FBXL18: variants seen among roughly 807,000 people sequenced by gnomAD.
FBXL18 encodes the protein F-box and leucine rich repeat protein 18.
Under a neutral mutation model 46.0 loss-of-function variants are expected in FBXL18, and 36 were observed. The ratio of observed to expected loss-of-function variants is 0.78; its 90% CI spans 0.60 to 1.03. FBXL18 has a LOEUF of 1.03. Ranked by LOEUF, FBXL18 falls within the 50% of genes least tolerant of loss-of-function variation. FBXL18 has a pLI of 0.00. For missense variants in FBXL18, 977 were observed against 1,004.1 expected (o/e 0.97, Z 0.36); for synonymous variants, 557 against 465.3 (o/e 1.20, Z -2.54).
intron 4 of FBXL18, among the ~76,000 whole-genome samples, chr7:5,466,570 G>A (rs1216970756): frequency 2.0e-5 from 3 of 152,198 alleles, no homozygotes; most frequent in Non-Finnish European, 4.4e-5. Context: ...ATTGGACTGG[G>A]CCACCAGGAT....
chr7:5,468,964 CTTTGT>C (rs1431879851), intron 4 of FBXL18, among the ~76,000 whole-genome samples: 6 of 144,576 alleles, frequency 4.2e-5, no homozygotes, highest in African/African-American at 1.5e-4. Context: ...AATCCAGTCC[CTTTGT>C]TTTGGTGTGT....
chr7:5,513,207 C>T (rs73045174), intron 1 of FBXL18, among the ~76,000 whole-genome samples: 1 of 152,204 alleles, frequency 6.6e-6, no homozygotes, highest in Non-Finnish European at 1.5e-5. Context: ...CCATCACCCA[C>T]CCCCCACGTC....
chr7:5,492,180 G>A (rs1468236553), intron 3 of FBXL18, among the ~76,000 whole-genome samples: 1 of 148,992 alleles, frequency 6.7e-6, no homozygotes, highest in East Asian at 2.0e-4. Context: ...GGGAGGACTT[G>A]GGAAAGGGAA....
At chr7:5,466,755 G>A (rs1291322486) in intron 4 of FBXL18, among the ~76,000 whole-genome samples, 2 of 152,148 alleles carry the variant, frequency 1.3e-5, no homozygotes, top group East Asian at 3.9e-4. Context: ...GCCAAGGCCT[G>A]GGCAGGAGGC....
At chr7:5,483,563 G>T (rs978517174) in intron 4 of FBXL18, among the ~76,000 whole-genome samples, 4 of 152,136 alleles carry the variant, frequency 2.6e-5, no homozygotes, top group South Asian at 2.1e-4. Flanking sequence ...TGACCAACAT[G>T]GAGAAACCCC....
At chr7:5,513,073 G>C (rs916079500) in intron 1 of FBXL18, among the ~76,000 whole-genome samples, 2 of 152,168 alleles carry the variant, frequency 1.3e-5, no homozygotes, top group East Asian at 1.9e-4. Context: ...CCTTTCTGCA[G>C]AGACAATACT....
chr7:5,473,710 G>A (rs1295715937), downstream of FBXL18, among the ~76,000 whole-genome samples: 2 of 148,744 alleles, frequency 1.3e-5, no homozygotes, highest in Admixed American at 1.4e-4. Flanking sequence ...GCAGTGAGCC[G>A]AGATTGTGCC....
At chr7:5,512,894 G>A (rs1302034833) in intron 1 of FBXL18, among the ~76,000 whole-genome samples, 1 of 152,080 alleles carries the variant, frequency 6.6e-6, no homozygotes, top group Non-Finnish European at 1.5e-5. Flanking sequence ...GAAGACACTT[G>A]AGCCTCTCAC....
chr7:5,467,090 G>A (rs574070512), intron 4 of FBXL18, among the ~76,000 whole-genome samples: 12 of 152,082 alleles, frequency 7.9e-5, no homozygotes, highest in Admixed American at 3.3e-4. Flanking sequence ...AGTGGCTCAC[G>A]CCTGTAATCC....
rs1268984662 is a variant in FBXL18 at position 5,477,421 on chromosome 7, C to T, written c.*4354G>A. On this transcript the variant is annotated 3_prime_UTR_variant, in exon 5 of 5. Transcript: ENST00000382368. The surrounding 1 kb of genome is among the most constrained non-coding windows in gnomAD (Gnocchi z 4.4). ...GTTTTCTTACAAGAGCTCTGTAATGCGCCAGGCACGGTGGCTCACACCTGT... is the reference window on the plus strand; with the variant it reads ...GTTTTCTTACAAGAGCTCTGTAATGTGCCAGGCACGGTGGCTCACACCTGT... Among the ~76,000 whole-genome samples, 5 of 152,052 alleles carry T rather than the reference C, an allele frequency of 3.3e-5. No homozygotes were observed. The highest frequency in any genetic ancestry group is 4.8e-5 in the African/African-American group (2 of 41,418).
At position 5,500,669 on chromosome 7, in the gene FBXL18, G is replaced by A. The variant is rs750640393; in HGVS notation, c.1600C>T (p.Arg534Trp). 2 of 1,611,062 alleles carry A rather than the reference G, an allele frequency of 1.2e-6. No homozygotes were observed. The highest frequency in any genetic ancestry group is 1.7e-6 in the Non-Finnish European group (2 of 1,179,084). ...GGCAGCTGTGCGAGCGTCAGGTGCC[G>A]CAGGAAGGCCAGCTGGCCGATGGCG... ...VAAIGQLAFL[R>W]HLTLAQLPSV... The change falls in exon 3 of 5, where the codon CGG (arginine) becomes TGG (tryptophan). Residue 534 changes from arginine to tryptophan, a missense_variant. Transcript: ENST00000382368.
chr7:5,506,404 A>G (rs1442921571), intron 1 of FBXL18, among the ~76,000 whole-genome samples: 6 of 150,640 alleles, frequency 4.0e-5, no homozygotes, highest in Non-Finnish European at 8.9e-5. Context: ...GACTGCCACC[A>G]CGCCCACGCC....
At position 5,478,288 on chromosome 7, in the gene FBXL18, C is replaced by A. The variant is rs1322082988; in HGVS notation, c.*3487G>T. On this transcript the variant is annotated 3_prime_UTR_variant, in exon 5 of 5. Transcript: ENST00000382368. ...CCCTCTGCTGCAGAAGGAAGCGGCC[C>A]TCACCCAGCCCCCCTGGGCTGGACG... 1 of 152,354 alleles carries A rather than the reference C, an allele frequency of 6.6e-6. No individual in the cohort carries two copies. The highest frequency in any genetic ancestry group is 1.5e-5 in the Non-Finnish European group (1 of 68,148). 9.4% of individuals were successfully genotyped at this position (152,354 alleles called of 1,614,324 possible).
intron 3 of FBXL18, among the ~76,000 whole-genome samples, chr7:5,497,199 T>A (rs1784104809): frequency 6.6e-6 from 1 of 151,806 alleles, no homozygotes; most frequent in South Asian, 2.1e-4. Flanking sequence ...GAGACCATTT[T>A]TAAAAAAAAA....
At chr7:5,489,636 A>G in intron 4 of FBXL18, 1 of 217,600 alleles carries the variant, frequency 4.6e-6, no homozygotes, top group Non-Finnish European at 9.4e-6. Context: ...AAAATTAGCC[A>G]GGTGTGGTGG....
intron 4 of FBXL18, chr7:5,490,327 T>C (rs1783889525): frequency 5.5e-6 from 6 of 1,098,168 alleles, no homozygotes; most frequent in Non-Finnish European, 6.8e-6. Context: ...CTGAGAGGTC[T>C]TGAAATGCGT....
At chr7:5,484,366 A>G (rs1287093899) in intron 4 of FBXL18, among the ~76,000 whole-genome samples, 5 of 151,614 alleles carry the variant, frequency 3.3e-5, no homozygotes, top group Non-Finnish European at 5.9e-5. Context: ...AGCTATTCGG[A>G]AGGCTGCGGC....
chr7:5,504,816 T>C (rs1784352451), intron 2 of FBXL18, among the ~76,000 whole-genome samples: 1 of 143,256 alleles, frequency 7.0e-6, no homozygotes, highest in African/African-American at 2.6e-5. Flanking sequence ...CTCGGGAGGC[T>C]GAGGCAGGAG....
intron 3 of FBXL18, 108 bp from the exon 4 acceptor site, chr7:5,491,557 C>T (rs1783927655): frequency 1.1e-6 from 1 of 904,812 alleles, no homozygotes. Flanking sequence ...TGGGGCCCAG[C>T]CCAGCTGTTC....
Sources: gnomAD v4.1 joint callset for allele counts (sites outside exome capture counted in the v4.1 genomes callset) on GRCh38, gnomAD v4.1.1 for gene constraint, Gnocchi (gnomAD v3.1) non-coding constraint, MANE v1.5 for transcripts, NCBI Gene and HGNC (gene_info 2026-07-23, HGNC 2026-07-21) for gene names.